Variants in LDB2 observed in about 807,000 individuals in gnomAD.
LDB2 encodes the protein LIM domain-binding protein 2.
In LDB2, 12 loss-of-function variants were observed where a neutral mutation model predicts 44.3. The ratio of observed to expected loss-of-function variants is 0.27; its 90% CI spans 0.17 to 0.44. The LOEUF (loss-of-function observed/expected upper bound fraction) is 0.44, where lower values mean the gene tolerates loss of function less well. LDB2 is among the 20% of genes least tolerant of loss of function. The pLI is 1.00. For synonymous variants in LDB2, 164 were observed against 174.8 expected, an observed-to-expected ratio of 0.94 and a Z score of 0.49; for missense variants, 344 against 473.5, an observed-to-expected ratio of 0.73 and a Z score of 2.54.
chr4:16,718,152 C>T (rs1443466224), intron 2 of LDB2, among the ~76,000 whole-genome samples: 1 of 151,972 alleles, frequency 6.6e-6, no homozygotes, highest in African/African-American at 2.4e-5. Context: ...ACTCACTCAA[C>T]CCACCAAAGA....
intron 5 of LDB2, among the ~76,000 whole-genome samples, chr4:16,564,529 C>T (rs1743774749): frequency 6.6e-6 from 1 of 152,206 alleles, no homozygotes; most frequent in African/African-American, 2.4e-5. Flanking sequence ...CATTGTCACC[C>T]CCATCTCTTG....
At chr4:16,514,721 C>T (rs1425277003) in intron 5 of LDB2, among the ~76,000 whole-genome samples, 1 of 152,180 alleles carries the variant, frequency 6.6e-6, no homozygotes, top group African/African-American at 2.4e-5. Flanking sequence ...GACACCAACC[C>T]TAATAAACCA....
chr4:16,506,931 G>A (rs1008854055), intron 7 of LDB2: 2 of 152,150 alleles, frequency 1.3e-5, no homozygotes, highest in Admixed American at 6.5e-5. Flanking sequence ...GGAAACTAAC[G>A]AATGTTACTG....
At chr4:16,541,595 G>A (rs1240274921) in intron 5 of LDB2, among the ~76,000 whole-genome samples, 1 of 152,178 alleles carries the variant, frequency 6.6e-6, no homozygotes, top group Non-Finnish European at 1.5e-5. Context: ...CCTGCCTGGG[G>A]CATCCCAGGT....
intron 1 of LDB2, among the ~76,000 whole-genome samples, chr4:16,821,153 C>T (rs572674505): frequency 1.3e-5 from 2 of 152,248 alleles, no homozygotes; most frequent in South Asian, 2.1e-4. Flanking sequence ...CACCTTCTTC[C>T]GTGTTAAATT....
chr4:16,609,959 T>A (rs1369039268), intron 2 of LDB2, among the ~76,000 whole-genome samples: 2 of 152,062 alleles, frequency 1.3e-5, no homozygotes, highest in African/African-American at 4.8e-5. Flanking sequence ...TGGCATCAGG[T>A]TGGTGTCCCT....
At chr4:16,662,239 C>T (rs1488115524) in intron 2 of LDB2, among the ~76,000 whole-genome samples, 2 of 152,276 alleles carry the variant, frequency 1.3e-5, no homozygotes, top group Non-Finnish European at 2.9e-5. Flanking sequence ...TTGCTCACAT[C>T]CTACCTTGCC....
rs184261067 is a variant in LDB2, at chr4:16,626,923, A to C, written c.236-31048T>G. The C allele has an allele frequency of 1.1e-4, 16 of 152,342 alleles. No homozygotes were observed. In the East Asian group the frequency reaches 1.9e-3, roughly 18 times the overall value. The allele number at this position is 152,342 out of a possible 1,614,324, so 9.4% of individuals were successfully genotyped here. A position where few individuals can be genotyped will look rare whatever the true frequency, so the allele number is the denominator to read the frequency against. On this transcript the variant is annotated intron_variant, in intron 2 of 7. Coordinates refer to ENST00000304523, the MANE Select transcript of LDB2 (RefSeq NM_001290.5). ...CAGAAGACAGATCCATTAGATAGCC[A>C]TGAAAGGAGATCTGGACTATAGACA...
intron 5 of LDB2, among the ~76,000 whole-genome samples, chr4:16,544,061 GACAA>G (rs1218441472): frequency 2.0e-5 from 3 of 152,048 alleles, no homozygotes; most frequent in Non-Finnish European, 2.9e-5. Flanking sequence ...TTTATGTGGA[GACAA>G]ACAATAAACA....
At chr4:16,647,264 T>C (rs923272027) in intron 2 of LDB2, among the ~76,000 whole-genome samples, 3 of 152,182 alleles carry the variant, frequency 2.0e-5, no homozygotes, top group Non-Finnish European at 4.4e-5. Flanking sequence ...GGCAAATCTA[T>C]AAAGCTTGGG....
At chr4:16,764,338 A>G (rs994972508) in intron 1 of LDB2, among the ~76,000 whole-genome samples, 1 of 151,930 alleles carries the variant, frequency 6.6e-6, no homozygotes, top group Non-Finnish European at 1.5e-5. Context: ...AGTTCCTGGG[A>G]TCAGTTAGGC....
At chr4:16,663,676 C>T (rs191300333) in intron 2 of LDB2, among the ~76,000 whole-genome samples, 1 of 152,288 alleles carries the variant, frequency 6.6e-6, no homozygotes, top group East Asian at 1.9e-4. Context: ...AAATAAACAG[C>T]TGCTTCTAAA....
chr4:16,759,276 T>G lies in LDB2; in HGVS notation c.133-16A>C. 1 of 1,549,708 alleles carries G rather than the reference T, an allele frequency of 6.5e-7. No homozygotes were observed. The highest frequency in any genetic ancestry group is 8.9e-7 in the Non-Finnish European group (1 of 1,122,018). On this transcript the variant is annotated splice_polypyrimidine_tract_variant and intron_variant, in intron 1 of 7. Transcript: ENST00000304523. ...TGTCACTATCCTGCAAAGAGACAGA[T>G]CATTTATTTAACAAGGGAAAGTGGG...
intron 2 of LDB2, among the ~76,000 whole-genome samples, chr4:16,670,435 T>A (rs1162723086): frequency 6.6e-6 from 1 of 152,198 alleles, no homozygotes; most frequent in Non-Finnish European, 1.5e-5. Context: ...ACTGGGGTCA[T>A]TGCTGGGCAC....
At position 16,508,515 on chromosome 4, in the gene LDB2, A is replaced by G. The variant is rs200726065; in HGVS notation, c.891+20T>C. ...AGCAGACAGTTAGGATTTCGGGCCT[A>G]AGAGGAAAGCGAGACTTACAGGTAC... is the stretch of plus-strand genomic sequence containing the variant. On this transcript the variant is annotated intron_variant, in intron 7 of 7. Transcript: ENST00000304523. 2 of 1,536,284 alleles carry G rather than the reference A, an allele frequency of 1.3e-6. No individual in the cohort carries two copies. Among genetic ancestry groups the G allele is most frequent in the South Asian group, 2.6e-5 (2 of 78,042 alleles).
chr4:16,869,305 T>A (rs199948208), intron 1 of LDB2, among the ~76,000 whole-genome samples: 15 of 139,084 alleles, frequency 1.1e-4, no homozygotes, highest in African/African-American at 1.6e-4. Flanking sequence ...GCAAAAGTCA[T>A]AAAAAAAAAA....
chr4:16,871,344 G>A (rs1716527762), intron 1 of LDB2, among the ~76,000 whole-genome samples: 1 of 151,846 alleles, frequency 6.6e-6, no homozygotes, highest in African/African-American at 2.4e-5. Flanking sequence ...TTTTTATTTT[G>A]TTGACTGTGT....
intron 5 of LDB2, among the ~76,000 whole-genome samples, chr4:16,521,371 C>T (rs977918826): frequency 2.6e-5 from 4 of 152,156 alleles, no homozygotes; most frequent in Admixed American, 2.6e-4. Context: ...CCTCCATCTG[C>T]ACATGGCCTT....
chr4:16,870,702 C>T (rs148310254), intron 1 of LDB2, among the ~76,000 whole-genome samples: 2,300 of 152,146 alleles, frequency 0.015, 55 homozygotes, highest in African/African-American at 0.053. Flanking sequence ...GGTGCAATCT[C>T]TGCTCACTAC....
Sources: allele counts gnomAD v4.1 joint callset (sites outside exome capture counted in the v4.1 genomes callset), GRCh38; gene constraint gnomAD v4.1.1; transcripts MANE v1.5; gene names NCBI Gene and HGNC (gene_info 2026-07-23, HGNC 2026-07-21).